The following ATAD2B variants were observed in gnomAD, a reference collection of about 807,000 sequenced individuals.
ATAD2B encodes ATPase family AAA domain-containing protein 2B.
ATAD2B carries 40 observed loss-of-function variants against 167.6 expected under a neutral mutation model. That is an observed-to-expected ratio of 0.24 (90% CI 0.19 to 0.31). The LOEUF (loss-of-function observed/expected upper bound fraction) is 0.31, where lower values mean the gene tolerates loss of function less well. Ranked by LOEUF, ATAD2B falls within the 10% of genes least tolerant of loss-of-function variation. The pLI is 1.00. For synonymous variants in ATAD2B, 579 were observed against 596.5 expected (o/e 0.97, Z 0.43); for missense variants, 1,242 against 1,757.2 (o/e 0.71, Z 5.24).
chr2:23,767,183 G>A lies in ATAD2B; in HGVS notation c.3134-1555C>T, dbSNP rs377386192. Reference sequence around the variant, plus strand: ...TACCTGCTCCACCCTGACTCATTCCGATTACCTACTCCACCCTAACTCATT... The same window carrying A: ...TACCTGCTCCACCCTGACTCATTCCAATTACCTACTCCACCCTAACTCATT... On this transcript the variant is annotated intron_variant, in intron 22 of 27. Coordinates refer to ENST00000238789, the MANE Select transcript of ATAD2B (RefSeq NM_017552.4). Among the ~76,000 whole-genome samples the A allele has an allele frequency of 1.3e-4, 20 of 151,874 alleles. 1 individual carries two copies. Among genetic ancestry groups the A allele is most frequent in the Non-Finnish European group, 1.9e-4 (13 of 67,982 alleles).
chr2:23,701,791 T>G, the ATAD2B span, among the ~76,000 whole-genome samples: 2 of 43,056 alleles, frequency 4.6e-5, no homozygotes, highest in Non-Finnish European at 1.1e-4. Flanking sequence ...GGCTTTTTTT[T>G]GCTTTTTTTT....
the ATAD2B span, among the ~76,000 whole-genome samples, chr2:23,737,307 G>A: frequency 1.2e-3 from 189 of 152,234 alleles, 1 homozygote; most frequent in African/African-American, 4.0e-3. Flanking sequence ...CAGTAGGAGC[G>A]GACTGACACC....
intron 7 of ATAD2B, among the ~76,000 whole-genome samples, chr2:23,877,181 C>T (rs1283724253): frequency 6.6e-6 from 1 of 151,690 alleles, no homozygotes; most frequent in African/African-American, 2.4e-5. Context: ...AAGGCCAAGT[C>T]AAAGGACTGC....
the ATAD2B span, among the ~76,000 whole-genome samples, chr2:23,743,112 G>C: frequency 2.7e-5 from 4 of 150,488 alleles, no homozygotes; most frequent in African/African-American, 9.8e-5. Flanking sequence ...ATAAGATTCA[G>C]TGCAAGAGAA....
chr2:23,691,563 A>G, the ATAD2B span: 3 of 815,996 alleles, frequency 3.7e-6, no homozygotes, highest in Middle Eastern at 3.3e-4. Flanking sequence ...GTGTCCTTTG[A>G]GCCCTAAAAC....
At chr2:23,921,022 T>C (rs1488394505) in intron 1 of ATAD2B, among the ~76,000 whole-genome samples, 7 of 151,770 alleles carry the variant, frequency 4.6e-5, no homozygotes, top group African/African-American at 1.7e-4. Context: ...CTGACCAACA[T>C]GATGAAGCCC....
chr2:23,694,383 C>G, the ATAD2B span, among the ~76,000 whole-genome samples: 3 of 152,200 alleles, frequency 2.0e-5, no homozygotes, highest in African/African-American at 7.2e-5. Context: ...TTCCTCCTCT[C>G]GCCAGGATTA....
chr2:23,746,862 T>C (rs1674912141), downstream of ATAD2B, among the ~76,000 whole-genome samples: 1 of 152,180 alleles, frequency 6.6e-6, no homozygotes, highest in Non-Finnish European at 1.5e-5. Context: ...TTAAGAGCTT[T>C]TAAGAGCACC....
chr2:23,786,265 G>A (rs1680794538), intron 20 of ATAD2B, 42 bp from the exon 21 acceptor site: 1 of 1,456,988 alleles, frequency 6.9e-7, no homozygotes, highest in Non-Finnish European at 9.2e-7. Context: ...CAACGTCGTG[G>A]GCCAGGACCC....
At chr2:23,711,301 G>A in the ATAD2B span, among the ~76,000 whole-genome samples, 1 of 141,272 alleles carries the variant, frequency 7.1e-6, no homozygotes, top group African/African-American at 2.6e-5. Flanking sequence ...TTAAAAATGG[G>A]TAGTGAGGGA....
chr2:23,799,265 T>C (rs1357927348), intron 18 of ATAD2B, among the ~76,000 whole-genome samples: 3 of 152,164 alleles, frequency 2.0e-5, no homozygotes, highest in Non-Finnish European at 4.4e-5. Context: ...GCCTATGTAA[T>C]ATACAAGATA....
At chr2:23,842,172 G>A (rs1330627780) in intron 13 of ATAD2B, among the ~76,000 whole-genome samples, 9 of 151,924 alleles carry the variant, frequency 5.9e-5, no homozygotes, top group Admixed American at 1.3e-4. Context: ...TTTCCCCATC[G>A]GTTATATGAT....
At chr2:23,898,771 G>C (rs529225773) in intron 1 of ATAD2B, among the ~76,000 whole-genome samples, 149 of 152,332 alleles carry the variant, frequency 9.8e-4, no homozygotes, top group African/African-American at 3.4e-3. Context: ...GAGAGGTCAA[G>C]GCAGGACGAC....
intron 19 of ATAD2B, among the ~76,000 whole-genome samples, chr2:23,796,685 G>A (rs527735119): frequency 9.2e-5 from 14 of 152,230 alleles, no homozygotes; most frequent in African/African-American, 3.4e-4. Flanking sequence ...GTGGCTCCCA[G>A]GTTATATCCA....
chr2:23,684,281 C>T, the ATAD2B span: 28 of 730,166 alleles, frequency 3.8e-5, no homozygotes, highest in South Asian at 4.6e-5. This position sits in a 1 kb window ranked among gnomAD's most constrained non-coding sequence, Gnocchi z 4.4. Context: ...TGCCAAGAAA[C>T]AATATCAAGT....
At chr2:23,816,410 C>T (rs1423958221) in intron 17 of ATAD2B, among the ~76,000 whole-genome samples, 1 of 152,082 alleles carries the variant, frequency 6.6e-6, no homozygotes, top group Non-Finnish European at 1.5e-5. Flanking sequence ...CAATAAGGGT[C>T]TATAAATTAT....
At chr2:23,687,873 G>A in the ATAD2B span, among the ~76,000 whole-genome samples, 8 of 152,270 alleles carry the variant, frequency 5.3e-5, no homozygotes, top group East Asian at 9.6e-4. Context: ...GCCTGGGGGC[G>A]TTGCGACCAG....
intron 22 of ATAD2B, among the ~76,000 whole-genome samples, chr2:23,771,364 G>T (rs1678296143): frequency 6.6e-6 from 1 of 152,140 alleles, no homozygotes. Context: ...AGACATCCTG[G>T]TCATGTTTCT....
the ATAD2B span, among the ~76,000 whole-genome samples, chr2:23,733,338 G>A: frequency 2.0e-4 from 30 of 152,254 alleles, no homozygotes; most frequent in Non-Finnish European, 3.7e-4. Flanking sequence ...GTCTCCTCAA[G>A]TTCCGTGACC....
Sources: allele counts gnomAD v4.1 joint callset (sites outside exome capture counted in the v4.1 genomes callset), GRCh38; gene constraint gnomAD v4.1.1; non-coding constraint Gnocchi (gnomAD v3.1); transcripts MANE v1.5; gene names NCBI Gene and HGNC (gene_info 2026-07-23, HGNC 2026-07-21).